Variants in ZC3HAV1 observed in about 807,000 individuals in gnomAD.
ZC3HAV1 encodes the protein zinc finger CCCH-type containing, antiviral 1.
A neutral mutation model predicts 86.6 loss-of-function variants in ZC3HAV1; 41 were observed. The ratio of observed to expected loss-of-function variants is 0.47; its 90% CI spans 0.37 to 0.61. The LOEUF is 0.61. Ranked by LOEUF, ZC3HAV1 falls within the 20% of genes least tolerant of loss-of-function variation. ZC3HAV1 has a pLI of 0.00. For missense variants in ZC3HAV1, 964 were observed against 1,141.1 expected (o/e 0.84, Z 2.24); for synonymous variants, 421 against 432.1 (o/e 0.97, Z 0.32).
At chr7:139,066,486 G>T (rs969886957) in intron 7 of ZC3HAV1, among the ~76,000 whole-genome samples, 1 of 152,188 alleles carries the variant, frequency 6.6e-6, no homozygotes. Context: ...GTTTCAGGAG[G>T]TAGGACCAGT....
intron 1 of ZC3HAV1, among the ~76,000 whole-genome samples, chr7:139,091,914 T>TA (rs561459309): frequency 2.1e-3 from 317 of 152,298 alleles, no homozygotes; most frequent in Admixed American, 6.6e-3. Flanking sequence ...CGAGACGAAT[T>TA]AGGAGTCCGT....
intron 1 of ZC3HAV1, among the ~76,000 whole-genome samples, chr7:139,101,033 C>G (rs923211835): frequency 6.6e-6 from 1 of 151,580 alleles, no homozygotes; most frequent in Non-Finnish European, 1.5e-5. Flanking sequence ...TTGGTGGAGA[C>G]GGGGTTTCGC....
In ZC3HAV1 at chr7:139,047,677, C is replaced by T. The variant is rs1004661368; in HGVS notation, c.2626G>A (p.Val876Ile). ...TGATCTTTCTGAAAGATGACAAAAACGGAGGGATTCGATCTGGTATCCACA... is the reference window on the plus strand; with the variant it reads ...TGATCTTTCTGAAAGATGACAAAAATGGAGGGATTCGATCTGGTATCCACA... ...SCVDTRSNPSVFVIFQKDQVY... is the reference protein window; with the variant it reads ...SCVDTRSNPSIFVIFQKDQVY... The change falls in exon 13 of 13, where the codon GTT becomes ATT. Residue 876 changes from valine to isoleucine, a missense_variant. Coordinates refer to ENST00000242351, the MANE Select transcript of ZC3HAV1 (RefSeq NM_020119.4). The T allele has an allele frequency of 6.8e-6, 11 of 1,613,972 alleles. No homozygotes were observed. The highest frequency in any genetic ancestry group is 4.5e-5 in the East Asian group (2 of 44,870).
Position 139,073,914 on chromosome 7 carries a change from G to C in ZC3HAV1, c.1814C>G (p.Thr605Ser). The change falls in exon 7 of 13, where the codon ACC becomes AGC. Residue 605 changes from threonine to serine, a missense_variant. Coordinates refer to ENST00000242351, the MANE Select transcript of ZC3HAV1 (RefSeq NM_020119.4). Reference protein sequence around the residue: ...VTKPANSVFTTKWIWYWKNES... With the variant: ...VTKPANSVFTSKWIWYWKNES... ...ATTCTTCCAATACCAAATCCATTTGGTGGTGAAGACAGAATTGGCTGGCTT... is the reference window on the plus strand; with the variant it reads ...ATTCTTCCAATACCAAATCCATTTGCTGGTGAAGACAGAATTGGCTGGCTT... The C allele has an allele frequency of 6.2e-7, 1 of 1,614,006 alleles. No homozygotes were observed. The highest frequency in any genetic ancestry group is 1.1e-5 in the South Asian group (1 of 91,080).
intron 6 of ZC3HAV1, among the ~76,000 whole-genome samples, chr7:139,074,690 C>T (rs1247048313): frequency 6.6e-6 from 1 of 151,250 alleles, no homozygotes; most frequent in African/African-American, 2.4e-5. Flanking sequence ...TAAATAAATA[C>T]ACACAGTTAT....
Position 139,080,916 on chromosome 7 carries a change from G to T in ZC3HAV1, c.698-673C>A, listed in dbSNP as rs548323593. On this transcript the variant is annotated intron_variant, in intron 3 of 12. Coordinates refer to ENST00000242351, the MANE Select transcript of ZC3HAV1 (RefSeq NM_020119.4). ...ATGCTCAAAGAAACCAACAGAAAAT[G>T]AAACCACAGTCTAAAGGCCTGACTT... Among the ~76,000 whole-genome samples, 5 of 152,314 alleles carry T rather than the reference G, an allele frequency of 3.3e-5. No homozygotes were observed. In the South Asian group the frequency reaches 1.0e-3, roughly 32 times the overall value.
At chr7:139,062,982 T>C (rs1816488585) in intron 8 of ZC3HAV1, among the ~76,000 whole-genome samples, 1 of 137,882 alleles carries the variant, frequency 7.3e-6, no homozygotes, top group Non-Finnish European at 1.5e-5. Context: ...TGAGCCGAGA[T>C]TGCGCCTTTG....
At chr7:139,106,368 T>A (rs886913256) in intron 1 of ZC3HAV1, among the ~76,000 whole-genome samples, 2 of 152,192 alleles carry the variant, frequency 1.3e-5, no homozygotes, top group African/African-American at 4.8e-5. Context: ...ATCCCAGCAC[T>A]TTGGGAGGCC....
At chr7:139,075,182 A>C (rs1047326937) in intron 6 of ZC3HAV1, among the ~76,000 whole-genome samples, 3 of 152,180 alleles carry the variant, frequency 2.0e-5, no homozygotes, top group Non-Finnish European at 2.9e-5. Context: ...CCGGCTCTCC[A>C]CTTGCCTGGG....
chr7:139,081,448 C>T (rs1229932005), intron 3 of ZC3HAV1, among the ~76,000 whole-genome samples: 1 of 152,114 alleles, frequency 6.6e-6, no homozygotes, highest in African/African-American at 2.4e-5. Context: ...CTTTCTCATT[C>T]ACAATAAGTT....
chr7:139,100,532 T>TAAAAA (rs1187189155), intron 1 of ZC3HAV1, among the ~76,000 whole-genome samples: 1 of 148,024 alleles, frequency 6.8e-6, no homozygotes. Context: ...AGGCTCTGTC[T>TAAAAA]CAAAAAAAAA....
At position 139,109,126 on chromosome 7, in the gene ZC3HAV1, C is replaced by G. The variant is rs147408079; in HGVS notation, c.206G>C (p.Arg69Pro). 2 of 1,591,224 alleles carry G rather than the reference C, an allele frequency of 1.3e-6. No homozygotes were observed. Among genetic ancestry groups the G allele is most frequent in the Non-Finnish European group, 1.7e-6 (2 of 1,168,862 alleles). The change falls in exon 1 of 13, where the codon CGA becomes CCA. Residue 69 changes from arginine (R) to proline (P), a missense_variant. Coordinates refer to ENST00000242351, the MANE Select transcript of ZC3HAV1 (RefSeq NM_020119.4). ...GTACTTGCGACGGCAGACCCGGGCT[C>G]GAGTGGTGGCCACCACCGATCGGGT... ...GITRSVVATT[R>P]ARVCRRKYCQ...
chr7:139,091,258 G>C (rs549438901), intron 1 of ZC3HAV1, among the ~76,000 whole-genome samples: 3 of 152,264 alleles, frequency 2.0e-5, no homozygotes, highest in East Asian at 1.9e-4. Flanking sequence ...CCAGCACTTC[G>C]GGAGGCCGAG....
intron 7 of ZC3HAV1, among the ~76,000 whole-genome samples, chr7:139,065,541 T>C (rs1816573926): frequency 1.3e-5 from 2 of 152,154 alleles, no homozygotes; most frequent in South Asian, 4.1e-4. Flanking sequence ...GTAAACAAAA[T>C]TGGCCGAGCC....
chr7:139,057,531 C>CTTTTT (rs1294729334), intron 9 of ZC3HAV1, among the ~76,000 whole-genome samples: 1 of 78,570 alleles, frequency 1.3e-5, no homozygotes, highest in Non-Finnish European at 2.5e-5. Flanking sequence ...AAAACAATTA[C>CTTTTT]ATTTTTTTTT....
intron 1 of ZC3HAV1, among the ~76,000 whole-genome samples, chr7:139,102,004 TAA>T (rs34657510): frequency 7.7e-6 from 1 of 130,456 alleles, no homozygotes. Context: ...GAATGATCAA[TAA>T]AAAAAAAAAA....
intron 8 of ZC3HAV1, among the ~76,000 whole-genome samples, chr7:139,064,232 C>G (rs1436709834): frequency 6.6e-6 from 1 of 152,216 alleles, no homozygotes; most frequent in Non-Finnish European, 1.5e-5. Context: ...TCCAAAGCAC[C>G]TGCAAGTCCC....
intron 2 of ZC3HAV1, among the ~76,000 whole-genome samples, chr7:139,087,434 A>G (rs541829627): frequency 6.6e-6 from 1 of 150,814 alleles, no homozygotes; most frequent in African/African-American, 2.4e-5. Flanking sequence ...AGAGAGAGAG[A>G]GGGAGACAGA....
intron 1 of ZC3HAV1, among the ~76,000 whole-genome samples, chr7:139,102,938 A>ATATATATG (rs1554446018): frequency 8.9e-5 from 13 of 146,656 alleles, no homozygotes; most frequent in African/African-American, 2.8e-4. Flanking sequence ...AAAAGTATAT[A>ATATATATG]TATATGTATA....
Sources: allele counts gnomAD v4.1 joint callset (sites outside exome capture counted in the v4.1 genomes callset), GRCh38; gene constraint gnomAD v4.1.1; transcripts MANE v1.5; gene names NCBI Gene and HGNC (gene_info 2026-07-23, HGNC 2026-07-21).